Variants in LMO7 observed in about 807,000 individuals in gnomAD.
LMO7 encodes the protein LIM domain only protein 7.
LMO7 carries 120 observed loss-of-function variants against 206.5 expected under a neutral mutation model. That is an observed-to-expected ratio of 0.58 (90% CI 0.50 to 0.68). The LOEUF is 0.68. LMO7 is among the 30% of genes least tolerant of loss of function. The pLI, the probability that LMO7 is intolerant of heterozygous loss-of-function variation, is 0.00. For missense variants in LMO7, 1,959 were observed against 1,957.9 expected, an observed-to-expected ratio of 1.00 and a Z score of -0.01; for synonymous variants, 706 against 681.5, an observed-to-expected ratio of 1.04 and a Z score of -0.56.
intron 3 of LMO7, among the ~76,000 whole-genome samples, chr13:75,748,213 C>T (rs1055338115): frequency 1.3e-5 from 2 of 152,184 alleles, no homozygotes; most frequent in African/African-American, 4.8e-5. Flanking sequence ...TGATTTTGGA[C>T]TTCTGACCTC....
intron 3 of LMO7, among the ~76,000 whole-genome samples, chr13:75,738,447 C>T (rs776278305): frequency 8.5e-5 from 13 of 152,142 alleles, no homozygotes; most frequent in Non-Finnish European, 1.8e-4. Flanking sequence ...AACATTCATG[C>T]AATTATTTTT....
At chr13:75,626,192 T>C (rs77178428) in intron 2 of LMO7, among the ~76,000 whole-genome samples, 4,040 of 152,220 alleles carry the variant, frequency 0.027, 65 homozygotes, top group African/African-American at 0.033. Flanking sequence ...GTGGTAAACA[T>C]GAGATCTACT....
At chr13:75,838,474 A>G (rs1193018929) in intron 20 of LMO7, 13 of 491,896 alleles carry the variant, frequency 2.6e-5, no homozygotes, top group African/African-American at 6.7e-5. Flanking sequence ...AAAAAAAAAA[A>G]GGGAGATGCT....
chr13:75,728,612 A>C (rs1376287812), intron 3 of LMO7, among the ~76,000 whole-genome samples: 5 of 141,446 alleles, frequency 3.5e-5, no homozygotes, highest in Admixed American at 1.4e-4. Context: ...TTTGCTGTGC[A>C]GAAGCTCTTT....
At chr13:75,809,290 G>A (rs1197048837) in intron 11 of LMO7, 107 bp downstream of exon 11, 1 of 891,144 alleles carries the variant, frequency 1.1e-6, no homozygotes, top group Non-Finnish European at 1.8e-6. Flanking sequence ...GTTGTGTGCT[G>A]TGCATGATAT....
intron 1 of LMO7, among the ~76,000 whole-genome samples, chr13:75,667,422 G>A (rs547026754): frequency 2.6e-5 from 4 of 152,044 alleles, no homozygotes; most frequent in South Asian, 4.2e-4. Flanking sequence ...ATGTTTTCCC[G>A]TAGGTCCCTA....
chr13:75,857,889 C>G, intron 30 of LMO7, 32 bp from the exon 31 acceptor site: 2 of 1,520,476 alleles, frequency 1.3e-6, no homozygotes, highest in South Asian at 1.2e-5. Context: ...TGAATCTAAG[C>G]ACTTTTCTTT....
In LMO7 at chr13:75,834,379, G is replaced by A. The variant is rs575743592; in HGVS notation, c.3218G>A (p.Gly1073Glu). The change falls in exon 17 of 31, where the codon GGA becomes GAA. Residue 1073 changes from glycine (G) to glutamate (E), a missense_variant. Gly to Glu is a moderately conservative substitution (Grantham distance 98). Transcript: ENST00000377534. ...GHLVMDVRRY[G>E]KAGSPETKWI... ...CTAGTGATGGATGTGAGGCGCTATGGAAAGGCTGGTGAGTTTGTGTTACCA... is the reference window on the plus strand; with the variant it reads ...CTAGTGATGGATGTGAGGCGCTATGAAAAGGCTGGTGAGTTTGTGTTACCA... 6.3e-7 allele frequency: 1 copy of A among 1,596,088 alleles called. No individual in the cohort carries two copies. Among genetic ancestry groups the A allele is most frequent in the East Asian group, 2.3e-5 (1 of 43,924 alleles).
intron 1 of LMO7, among the ~76,000 whole-genome samples, chr13:75,704,626 A>C (rs969586748): frequency 2.0e-5 from 3 of 152,206 alleles, no homozygotes; most frequent in African/African-American, 2.4e-5. Flanking sequence ...AAATTGAAAA[A>C]GTTAAACGAG....
At chr13:75,856,378 T>C (rs1182715662) in intron 29 of LMO7, 128 bp from the exon 30 acceptor site, 2 of 606,320 alleles carry the variant, frequency 3.3e-6, no homozygotes, top group South Asian at 2.0e-5. Flanking sequence ...CGGCCTTTTT[T>C]TTTCTTTGCT....
rs559522025 is a variant in LMO7 at position 75,657,261 on chromosome 13, C to A, written c.69+20535C>A. Among the ~76,000 whole-genome samples the A allele has an allele frequency of 5.3e-5, 8 of 152,284 alleles. No homozygotes were observed. In the South Asian group the frequency reaches 1.7e-3, roughly 32 times the overall value. ...GATTTCAGACTTCTAGACTTCAGAACTGTGAAATAATAAATTTCTGTTGTT... is the reference window on the plus strand; with the variant it reads ...GATTTCAGACTTCTAGACTTCAGAAATGTGAAATAATAAATTTCTGTTGTT... On this transcript the variant is annotated intron_variant, in intron 1 of 30. Transcript: ENST00000377534.
Position 75,809,202 on chromosome 13 carries a change from A to G in LMO7, c.1946+19A>G. On this transcript the variant is annotated intron_variant, in intron 11 of 30. Coordinates refer to ENST00000377534, the MANE Select transcript of LMO7 (RefSeq NM_001306080.2). ...AGAATGGGTAAGTTGTGTGGTTCAC[A>G]GTAAAAAATCTGTGCGTGTTGTTTG... 3.1e-6 allele frequency: 5 copies of G among 1,608,112 alleles called. No individual in the cohort carries two copies. The highest frequency in any genetic ancestry group is 4.3e-6 in the Non-Finnish European group (5 of 1,175,094).
At chr13:75,804,047 G>A (rs898571001) in intron 7 of LMO7, 48 of 366,800 alleles carry the variant, frequency 1.3e-4, no homozygotes, top group African/African-American at 8.9e-4. Flanking sequence ...TAGTAAAATA[G>A]GACTTATTCT....
chr13:75,681,706 G>GTGTATATATATATATATATATATA (rs1259746833), intron 1 of LMO7, among the ~76,000 whole-genome samples: 1 of 93,328 alleles, frequency 1.1e-5, no homozygotes, highest in Non-Finnish European at 2.2e-5. Context: ...GTATGTATGT[G>GTGTATATATATATATATATATATA]TATATATATA....
At position 75,800,830 on chromosome 13, in the gene LMO7, G is replaced by A. The variant is rs751065469; in HGVS notation, c.609G>A (p.Ser203=). 10 of 1,614,050 alleles carry A rather than the reference G, an allele frequency of 6.2e-6. 1 individual carries two copies. In the South Asian group the frequency reaches 6.6e-5, roughly 11 times the overall value. The change falls in exon 7 of 31, where the codon TCG becomes TCA. Residue 203 remains serine (S), a synonymous_variant. Coordinates refer to ENST00000377534, the MANE Select transcript of LMO7 (RefSeq NM_001306080.2). The stretch of plus-strand genomic sequence containing the variant: ...TTGAAAGCTTGGACTCTTTGGGCTC[G>A]AGGTCATTGACAAGCTGCTCCTCTG... ...DSFESLDSLG[S]RSLTSCSSDI...
At chr13:75,674,169 C>T (rs1323157458) in intron 1 of LMO7, among the ~76,000 whole-genome samples, 1 of 152,112 alleles carries the variant, frequency 6.6e-6, no homozygotes, top group Non-Finnish European at 1.5e-5. Context: ...AAATAGAGAA[C>T]AATAGAAGAC....
At chr13:75,810,759 G>C (rs1042738159) in intron 11 of LMO7, among the ~76,000 whole-genome samples, 1 of 152,172 alleles carries the variant, frequency 6.6e-6, no homozygotes. Flanking sequence ...AGTATGTGGT[G>C]GAAATGTCAA....
At chr13:75,665,773 C>T (rs759350504) in intron 1 of LMO7, among the ~76,000 whole-genome samples, 7 of 152,108 alleles carry the variant, frequency 4.6e-5, no homozygotes, top group South Asian at 2.1e-4. Flanking sequence ...GTGATCTGGC[C>T]GCCTTGGCCT....
chr13:75,802,902 G>T (rs556475528), intron 7 of LMO7, among the ~76,000 whole-genome samples: 1 of 152,220 alleles, frequency 6.6e-6, no homozygotes, highest in African/African-American at 2.4e-5. Flanking sequence ...CTAGTTTTAC[G>T]TGAAAACTCA....
Sources: gnomAD v4.1 joint callset for allele counts (sites outside exome capture counted in the v4.1 genomes callset) on GRCh38, gnomAD v4.1.1 for gene constraint, MANE v1.5 for transcripts, NCBI Gene and HGNC (gene_info 2026-07-23, HGNC 2026-07-21) for gene names.